FKBP1B: variants seen among roughly 807,000 people sequenced by gnomAD.
The protein encoded by FKBP1B is FKBP prolyl isomerase 1B, also known as peptidyl-prolyl cis-trans isomerase FKBP1B.
In FKBP1B, 4 loss-of-function variants were observed where a neutral mutation model predicts 13.5. The observed-to-expected ratio is 0.30, with a 90% confidence interval of 0.15 to 0.68. The LOEUF is 0.68. Ranked by LOEUF, FKBP1B falls within the 30% of genes least tolerant of loss-of-function variation. FKBP1B has a pLI of 0.76. For missense variants in FKBP1B, 93 were observed against 136.2 expected, an observed-to-expected ratio of 0.68 and a Z score of 1.58; for synonymous variants, 54 against 53.6, an observed-to-expected ratio of 1.01 and a Z score of -0.03.
chr2:24,049,723 C>G (rs572955860), upstream of FKBP1B: 2 of 708,346 alleles, frequency 2.8e-6, no homozygotes, highest in Non-Finnish European at 3.9e-6. Flanking sequence ...CGACTCCAGC[C>G]GCACCTCCTC....
At chr2:24,059,949 T>G (rs1573696264) in intron 2 of FKBP1B, among the ~76,000 whole-genome samples, 1 of 133,604 alleles carries the variant, frequency 7.5e-6, no homozygotes, top group African/African-American at 2.8e-5. Flanking sequence ...TTGAGAAAGG[T>G]ATGACCTGAA....
At chr2:24,037,869 C>A in the FKBP1B span, 2 of 1,614,142 alleles carry the variant, frequency 1.2e-6, no homozygotes, top group African/African-American at 2.7e-5. Flanking sequence ...TTCTTTGAGG[C>A]AAACGAGGAG....
At chr2:24,034,507 T>C in the FKBP1B span, among the ~76,000 whole-genome samples, 2 of 151,644 alleles carry the variant, frequency 1.3e-5, no homozygotes, top group Non-Finnish European at 2.9e-5. Flanking sequence ...AGATAACTAC[T>C]GACAACAGCT....
chr2:24,038,011 A>C, the FKBP1B span: 1 of 1,614,198 alleles, frequency 6.2e-7, no homozygotes, highest in East Asian at 2.2e-5. Context: ...TTCTTTAATA[A>C]GTGTTCTTCC....
chr2:24,061,001 A>T, intron 3 of FKBP1B, 75 bp downstream of exon 3: 1 of 1,045,822 alleles, frequency 9.6e-7, no homozygotes. Context: ...CTCCACCTCC[A>T]CCTTCACCCA....
At chr2:24,039,162 T>C in the FKBP1B span, 20 of 1,614,124 alleles carry the variant, frequency 1.2e-5, no homozygotes, top group Middle Eastern at 3.3e-4. Context: ...GGATAGGTAG[T>C]GATCCTCTAA....
the FKBP1B span, among the ~76,000 whole-genome samples, chr2:24,035,240 G>A: frequency 6.6e-6 from 1 of 151,786 alleles, no homozygotes; most frequent in Non-Finnish European, 1.5e-5. Flanking sequence ...TGAAAAAAGA[G>A]CTCTGTGTGC....
the FKBP1B span, among the ~76,000 whole-genome samples, chr2:24,041,671 G>A: frequency 6.6e-6 from 1 of 151,706 alleles, no homozygotes; most frequent in Admixed American, 6.6e-5. Flanking sequence ...TGGCCAACAT[G>A]GTGAAACCCC....
At chr2:24,056,672 T>C (rs1456425710) in intron 2 of FKBP1B, among the ~76,000 whole-genome samples, 3 of 152,158 alleles carry the variant, frequency 2.0e-5, no homozygotes. Flanking sequence ...TTGTCCATTT[T>C]AGAAAATTAG....
chr2:24,059,043 A>AT (rs1455685683), intron 2 of FKBP1B, among the ~76,000 whole-genome samples: 1 of 152,204 alleles, frequency 6.6e-6, no homozygotes, highest in African/African-American at 2.4e-5. Flanking sequence ...TATGTTAAAT[A>AT]TGACACATCT....
At chr2:24,038,474 C>T in the FKBP1B span, 1 of 1,614,198 alleles carries the variant, frequency 6.2e-7, no homozygotes, top group East Asian at 2.2e-5. Context: ...AGATCAGGAA[C>T]CAGAATGCCT....
At chr2:24,040,280 A>G in the FKBP1B span, among the ~76,000 whole-genome samples, 2 of 152,238 alleles carry the variant, frequency 1.3e-5, no homozygotes, top group Non-Finnish European at 2.9e-5. Context: ...AAGAAAACAA[A>G]TGTAGCAAAA....
intron 1 of FKBP1B, among the ~76,000 whole-genome samples, chr2:24,051,480 A>G (rs1573680070): frequency 6.6e-6 from 1 of 152,010 alleles, no homozygotes; most frequent in Non-Finnish European, 1.5e-5. Context: ...ATCTCTCACC[A>G]CCTGTCCTAA....
At chr2:24,043,812 C>A in the FKBP1B span, among the ~76,000 whole-genome samples, 1 of 152,054 alleles carries the variant, frequency 6.6e-6, no homozygotes, top group East Asian at 1.9e-4. Context: ...CTCTACCAAC[C>A]TGGTGATTTG....
the FKBP1B span, chr2:24,039,147 G>T: frequency 6.2e-7 from 1 of 1,614,218 alleles, no homozygotes; most frequent in Non-Finnish European, 8.5e-7. Context: ...CACAGCCCTG[G>T]GGAAGGATAG....
At chr2:24,041,642 C>T in the FKBP1B span, among the ~76,000 whole-genome samples, 1 of 151,926 alleles carries the variant, frequency 6.6e-6, no homozygotes, top group African/African-American at 2.4e-5. Flanking sequence ...TACCTGAGGT[C>T]AGGAGTTCGA....
the FKBP1B span, chr2:24,038,689 G>A: frequency 5.0e-6 from 8 of 1,614,020 alleles, no homozygotes; most frequent in Non-Finnish European, 6.8e-6. Context: ...TTCAGAATTT[G>A]TTTCAGAATC....
Position 24,060,940 on chromosome 2 carries a change from T to C in FKBP1B, c.198+14T>C. ...GGTGCAGCCCAGGTAGGATGAGGAT[T>C]CGCATTAAAGGGGATCTGGGGAGTT... On this transcript the variant is annotated intron_variant, in intron 3 of 3. Coordinates refer to ENST00000380986, the MANE Select transcript of FKBP1B (RefSeq NM_004116.5). 1 of 1,599,686 alleles carries C rather than the reference T, an allele frequency of 6.3e-7. No homozygotes were observed.
At chr2:24,039,350 C>T in the FKBP1B span, 3 of 1,614,244 alleles carry the variant, frequency 1.9e-6, no homozygotes, top group Non-Finnish European at 1.7e-6. Context: ...TTGGAGTCCC[C>T]AAACTTGACC....
Sources: allele counts gnomAD v4.1 joint callset (sites outside exome capture counted in the v4.1 genomes callset), GRCh38; gene constraint gnomAD v4.1.1; transcripts MANE v1.5; gene names NCBI Gene and HGNC (gene_info 2026-07-23, HGNC 2026-07-21).